The following EPHA6 variants were observed in gnomAD, a reference collection of about 807,000 sequenced individuals.
EPHA6 encodes the protein ephrin type-A receptor 6.
EPHA6 carries 50 observed loss-of-function variants against 112.0 expected under a neutral mutation model. That is an observed-to-expected ratio of 0.45 (90% CI 0.36 to 0.56). EPHA6 has a LOEUF of 0.56. EPHA6 is among the 20% of genes least tolerant of loss of function. EPHA6 has a pLI of 0.00. For missense variants in EPHA6, 1,280 were observed against 1,417.4 expected, an observed-to-expected ratio of 0.90 and a Z score of 1.56; for synonymous variants, 529 against 490.7, an observed-to-expected ratio of 1.08 and a Z score of -1.03.
rs141868578 is a variant in EPHA6 at position 97,593,148 on chromosome 3, C to T, written c.2512+411C>T. On this transcript the variant is annotated intron_variant, in intron 12 of 17. Coordinates refer to ENST00000389672, the MANE Select transcript of EPHA6 (RefSeq NM_001080448.3). ...AGAGTTGATAGAGAATTAAAGTATC[C>T]TTTCATTACAGAAAAAAAAATGATT... 3.7e-3 allele frequency among the ~76,000 whole-genome samples: 568 copies of T among 151,972 alleles called. 5 individuals carry two copies. The highest frequency in any genetic ancestry group is 0.013 in the African/African-American group (548 of 41,470).
intron 3 of EPHA6, among the ~76,000 whole-genome samples, chr3:97,107,773 T>C (rs2047611566): frequency 6.6e-6 from 1 of 152,176 alleles, no homozygotes; most frequent in Non-Finnish European, 1.5e-5. Context: ...AGAATAAATA[T>C]AGCATATGCC....
At chr3:97,451,984 A>G (rs113934758) in intron 7 of EPHA6, among the ~76,000 whole-genome samples, 14 of 152,030 alleles carry the variant, frequency 9.2e-5, no homozygotes, top group African/African-American at 3.4e-4. Context: ...TAAGTAGTTT[A>G]TAATTCAGTT....
chr3:96,982,349 A>T (rs1283207796), intron 2 of EPHA6, among the ~76,000 whole-genome samples: 6 of 152,114 alleles, frequency 3.9e-5, no homozygotes, highest in Admixed American at 3.3e-4. Flanking sequence ...TTGAGTTTCC[A>T]TGTAGTTGAG....
intron 2 of EPHA6, among the ~76,000 whole-genome samples, chr3:96,874,205 A>G (rs149113804): frequency 6.6e-6 from 1 of 152,290 alleles, no homozygotes; most frequent in Non-Finnish European, 1.5e-5. Context: ...GTTTAAAAGG[A>G]TACATAGTTA....
rs1451945871 is a variant in EPHA6, at chr3:97,752,996, A to G, written c.*4295A>G. Among the ~76,000 whole-genome samples, 3 of 152,146 alleles carry G rather than the reference A, an allele frequency of 2.0e-5. No homozygotes were observed. Among genetic ancestry groups the G allele is most frequent in the African/African-American group, 4.8e-5 (2 of 41,462 alleles). On this transcript the variant is annotated 3_prime_UTR_variant, in exon 18 of 18. Coordinates refer to ENST00000389672, the MANE Select transcript of EPHA6 (RefSeq NM_001080448.3). ...AACAAATATTTTAATATTTTTTAAT[A>G]TGAAGACTCCAAAAGGTAGAGGAGT...
intron 6 of EPHA6, among the ~76,000 whole-genome samples, chr3:97,407,347 A>AACACACACACACACACACACAC (rs34259097): frequency 2.7e-5 from 4 of 147,370 alleles, no homozygotes; most frequent in African/African-American, 7.5e-5. Flanking sequence ...ACTGAAATTA[A>AACACACACACACACACACACAC]ACACACACAC....
At chr3:97,651,964 G>T (rs768060923) in intron 14 of EPHA6, among the ~76,000 whole-genome samples, 33 of 152,056 alleles carry the variant, frequency 2.2e-4, no homozygotes, top group Middle Eastern at 6.8e-3. Flanking sequence ...CCCAGGTAGT[G>T]AGCATAGAAC....
chr3:96,995,651 G>C (rs1237112384), intron 3 of EPHA6, among the ~76,000 whole-genome samples: 4 of 152,072 alleles, frequency 2.6e-5, no homozygotes, highest in Admixed American at 6.6e-5. Flanking sequence ...TGAATATTTT[G>C]ATTTCCCAGT....
At chr3:96,980,750 T>A (rs986966376) in intron 2 of EPHA6, among the ~76,000 whole-genome samples, 4 of 152,244 alleles carry the variant, frequency 2.6e-5, no homozygotes, top group African/African-American at 9.6e-5. Context: ...TATTTCTTTT[T>A]GAAGAGGTTC....
chr3:97,111,636 G>A (rs1289995367), intron 3 of EPHA6, among the ~76,000 whole-genome samples: 2 of 151,884 alleles, frequency 1.3e-5, no homozygotes, highest in African/African-American at 4.8e-5. Context: ...TTATATTATT[G>A]TAACATATTT....
At chr3:96,833,852 A>G (rs912992983) in intron 1 of EPHA6, among the ~76,000 whole-genome samples, 4 of 152,006 alleles carry the variant, frequency 2.6e-5, no homozygotes, top group Non-Finnish European at 4.4e-5. Flanking sequence ...TAGTCATCCT[A>G]TTGTGCTACA....
intron 6 of EPHA6, among the ~76,000 whole-genome samples, chr3:97,432,730 G>T (rs1009464295): frequency 1.3e-5 from 2 of 152,188 alleles, no homozygotes; most frequent in Admixed American, 1.3e-4. Flanking sequence ...CAAAGAAGAA[G>T]CAAGGACCTT....
At chr3:97,449,632 A>G (rs979624793) in intron 7 of EPHA6, among the ~76,000 whole-genome samples, 1 of 152,066 alleles carries the variant, frequency 6.6e-6, no homozygotes, top group Non-Finnish European at 1.5e-5. Context: ...TTATTTTTGT[A>G]ATTTTACCTA....
At chr3:97,445,607 G>T (rs1364922433) in intron 6 of EPHA6, among the ~76,000 whole-genome samples, 1 of 151,842 alleles carries the variant, frequency 6.6e-6, no homozygotes, top group South Asian at 2.1e-4. Context: ...AATGAGTTAA[G>T]CATGAAGCAT....
chr3:97,365,763 T>G (rs2084688960), intron 5 of EPHA6, among the ~76,000 whole-genome samples: 1 of 152,210 alleles, frequency 6.6e-6, no homozygotes, highest in South Asian at 2.1e-4. Context: ...TTTGTGATTT[T>G]CATGTAAACA....
At chr3:97,204,340 C>A (rs1345263607) in intron 3 of EPHA6, among the ~76,000 whole-genome samples, 1 of 152,030 alleles carries the variant, frequency 6.6e-6, no homozygotes, top group Non-Finnish European at 1.5e-5. Flanking sequence ...GGGCCTGAAT[C>A]ATTACATAGC....
intron 5 of EPHA6, among the ~76,000 whole-genome samples, chr3:97,322,374 G>T (rs2082161587): frequency 6.6e-6 from 1 of 151,928 alleles, no homozygotes; most frequent in Non-Finnish European, 1.5e-5. Context: ...GAAGCTTCAA[G>T]TATCTCTCCA....
At chr3:97,736,352 C>A (rs138642583) in intron 16 of EPHA6, among the ~76,000 whole-genome samples, 2,165 of 151,818 alleles carry the variant, frequency 0.014, 68 homozygotes, top group African/African-American at 0.05. Flanking sequence ...TCTCTCCAAT[C>A]TTTCTGAATT....
chr3:97,640,126 G>T (rs752182356), intron 14 of EPHA6, among the ~76,000 whole-genome samples: 1 of 152,074 alleles, frequency 6.6e-6, no homozygotes, highest in South Asian at 2.1e-4. Context: ...GGTCATGGGG[G>T]TCTTAAAAAG....
Sources: allele counts gnomAD v4.1 joint callset (sites outside exome capture counted in the v4.1 genomes callset), GRCh38; gene constraint gnomAD v4.1.1; transcripts MANE v1.5; gene names NCBI Gene and HGNC (gene_info 2026-07-23, HGNC 2026-07-21).